Variants in PARD3B observed in about 807,000 individuals in gnomAD.
PARD3B encodes the protein partitioning defective 3 homolog B.
Under a neutral mutation model 130.2 loss-of-function variants are expected in PARD3B, and 103 were observed. The ratio of observed to expected loss-of-function variants is 0.79; its 90% CI spans 0.67 to 0.93. The LOEUF (loss-of-function observed/expected upper bound fraction) is 0.93. Among genes scored for constraint, PARD3B ranks in the 40% least tolerant of loss-of-function variants. PARD3B has a pLI of 0.00. For missense variants in PARD3B, 1,609 were observed against 1,499.2 expected (o/e 1.07, Z -1.21); for synonymous variants, 583 against 553.2 (o/e 1.05, Z -0.76).
intron 21 of PARD3B, among the ~76,000 whole-genome samples, chr2:205,509,235 A>G (rs778466309): frequency 2.0e-5 from 3 of 152,128 alleles, no homozygotes; most frequent in African/African-American, 4.8e-5. Context: ...GAAAAAATAT[A>G]TATATATTGT....
chr2:204,908,233 C>T (rs1351290932), intron 2 of PARD3B, among the ~76,000 whole-genome samples: 4 of 152,128 alleles, frequency 2.6e-5, no homozygotes, highest in South Asian at 4.1e-4. Context: ...TATGAACACA[C>T]GTTAATAATT....
At chr2:204,983,773 G>C (rs1385151114) in intron 3 of PARD3B, among the ~76,000 whole-genome samples, 1 of 152,118 alleles carries the variant, frequency 6.6e-6, no homozygotes, top group African/African-American at 2.4e-5. Flanking sequence ...ATTTAGTATA[G>C]ACATTGTAAA....
chr2:205,197,172 C>A (rs2036745357), intron 15 of PARD3B, among the ~76,000 whole-genome samples: 1 of 151,760 alleles, frequency 6.6e-6, no homozygotes, highest in African/African-American at 2.4e-5. Context: ...CTTTGCATTC[C>A]TAACTTCCTA....
chr2:205,269,060 G>C lies in PARD3B; in HGVS notation c.2185+23238G>C, dbSNP rs2040619184. Reference sequence around the variant, plus strand: ...TTGTAGATGAGAAAATTGAGGTTTTGAGGCAAATAGTAGGGAACAGAGTCT... The same window carrying C: ...TTGTAGATGAGAAAATTGAGGTTTTCAGGCAAATAGTAGGGAACAGAGTCT... On this transcript the variant is annotated intron_variant, in intron 16 of 22. Coordinates refer to ENST00000406610, the MANE Select transcript of PARD3B (RefSeq NM_001302769.2). This position sits in a 1 kb window ranked among gnomAD's most constrained non-coding sequence, Gnocchi z 4.7. 1.3e-5 allele frequency among the ~76,000 whole-genome samples: 2 copies of C among 152,228 alleles called. No individual in the cohort carries two copies. The highest frequency in any genetic ancestry group is 3.4e-3 in the Middle Eastern group (1 of 290).
chr2:205,550,780 ACATG>A lies in PARD3B; in HGVS notation c.3181-2541_3181-2538del. ...TATATATAAATACATATATGTATAT[ACATG>A]CAAATATACAAATATATGCATATTT... is the stretch of plus-strand genomic sequence containing the variant. On this transcript the variant is annotated intron_variant, in intron 21 of 22. Coordinates refer to ENST00000406610, the MANE Select transcript of PARD3B (RefSeq NM_001302769.2). This position sits in a 1 kb window ranked among gnomAD's most constrained non-coding sequence, Gnocchi z 4.5. 6.6e-6 allele frequency among the ~76,000 whole-genome samples: 1 copy of A among 150,704 alleles called. No individual in the cohort carries two copies. Among genetic ancestry groups the A allele is most frequent in the South Asian group, 2.1e-4 (1 of 4,792 alleles).
chr2:205,004,592 A>T (rs1695103409), intron 3 of PARD3B, among the ~76,000 whole-genome samples: 1 of 152,216 alleles, frequency 6.6e-6, no homozygotes, highest in Non-Finnish European at 1.5e-5. Context: ...GGCAGAGGAA[A>T]TGAAATGAAA....
At position 205,332,351 on chromosome 2, in the gene PARD3B, G is replaced by A. The variant is rs191471137; in HGVS notation, c.2630+30650G>A. Among the ~76,000 whole-genome samples the A allele has an allele frequency of 2.1e-3, 324 of 152,250 alleles. 1 individual carries two copies. The highest frequency in any genetic ancestry group is 3.7e-3 in the Non-Finnish European group (253 of 68,028). On this transcript the variant is annotated intron_variant, in intron 18 of 22. Coordinates refer to ENST00000406610, the MANE Select transcript of PARD3B (RefSeq NM_001302769.2). The stretch of plus-strand genomic sequence containing the variant: ...AAATGGACTTGAAGTTTAAGGAGAG[G>A]TGTTAGAGATGGACAGTTCCAACTA...
At position 205,125,747 on chromosome 2, in the gene PARD3B, A is replaced by G. The variant is rs2031313298; in HGVS notation, c.1434+10A>G. 6.2e-7 allele frequency: 1 copy of G among 1,613,772 alleles called. No individual in the cohort carries two copies. Among genetic ancestry groups the G allele is most frequent in the East Asian group, 2.2e-5 (1 of 44,854 alleles). ...TCTGCCCCGAGAGTTGGTAATGTTCAGATCTCAGTCTCACTGAATTTTTAA... is the reference window on the plus strand; with the variant it reads ...TCTGCCCCGAGAGTTGGTAATGTTCGGATCTCAGTCTCACTGAATTTTTAA... On this transcript the variant is annotated intron_variant, in intron 10 of 22. Transcript: ENST00000406610. This position sits in a 1 kb window ranked among gnomAD's most constrained non-coding sequence, Gnocchi z 4.0.
chr2:204,919,622 A>C (rs1248159446), intron 2 of PARD3B, among the ~76,000 whole-genome samples: 1 of 152,194 alleles, frequency 6.6e-6, no homozygotes, highest in Non-Finnish European at 1.5e-5. Context: ...GAATATTCCA[A>C]AAGTTATTTA....
chr2:204,960,857 A>T (rs1559301978), intron 2 of PARD3B, among the ~76,000 whole-genome samples: 1 of 152,200 alleles, frequency 6.6e-6, no homozygotes. Flanking sequence ...ACAAAGGCGG[A>T]GAATACAGAG....
chr2:204,836,559 AG>A lies in PARD3B; in HGVS notation c.223-128591del, dbSNP rs538429803. On this transcript the variant is annotated intron_variant, in intron 2 of 22. Coordinates refer to ENST00000406610, the MANE Select transcript of PARD3B (RefSeq NM_001302769.2). ...ATGCCTGTAATCCCAGCTATTCAGG[AG>A]GCTGAGGCAGCAGAATCGCTTGAAC... 2.1e-3 allele frequency among the ~76,000 whole-genome samples: 322 copies of A among 152,290 alleles called. 1 individual carries two copies. Among genetic ancestry groups the A allele is most frequent in the African/African-American group, 7.4e-3 (308 of 41,548 alleles).
At chr2:204,978,597 C>A (rs1480979437) in intron 3 of PARD3B, among the ~76,000 whole-genome samples, 1 of 152,166 alleles carries the variant, frequency 6.6e-6, no homozygotes, top group Non-Finnish European at 1.5e-5. Flanking sequence ...TAAAGCACAT[C>A]AGCTTTCAGC....
chr2:205,581,275 G>T (rs187373310), intron 22 of PARD3B, among the ~76,000 whole-genome samples: 127 of 56,790 alleles, frequency 2.2e-3, no homozygotes, highest in East Asian at 0.017. Context: ...TAGATAGATA[G>T]ATATAGATAT....
Position 205,590,133 on chromosome 2 carries a change from C to A in PARD3B, c.3261-25323C>A, listed in dbSNP as rs999778261. On this transcript the variant is annotated intron_variant, in intron 22 of 22. Coordinates refer to ENST00000406610, the MANE Select transcript of PARD3B (RefSeq NM_001302769.2). This position sits in a 1 kb window ranked among gnomAD's most constrained non-coding sequence, Gnocchi z 4.1. ...CAATAGGTAAACATTATTGTTCTCT[C>A]TACATATTATTCCGATGCTTTATTT... Among the ~76,000 whole-genome samples the A allele has an allele frequency of 2.6e-5, 4 of 152,160 alleles. No individual in the cohort carries two copies. The highest frequency in any genetic ancestry group is 9.7e-5 in the African/African-American group (4 of 41,424).
intron 4 of PARD3B, among the ~76,000 whole-genome samples, chr2:205,077,776 T>C (rs1323596380): frequency 6.6e-6 from 1 of 152,136 alleles, no homozygotes; most frequent in African/African-American, 2.4e-5. Context: ...CACATGAGCA[T>C]TAAGAAATAG....
chr2:204,661,690 A>G (rs999582606), intron 1 of PARD3B, among the ~76,000 whole-genome samples: 1 of 152,216 alleles, frequency 6.6e-6, no homozygotes, highest in African/African-American at 2.4e-5. Flanking sequence ...TTATTTAACA[A>G]ATTTATTTAA....
At chr2:205,200,787 ATGAC>A (rs1230839814) in intron 15 of PARD3B, among the ~76,000 whole-genome samples, 4 of 152,242 alleles carry the variant, frequency 2.6e-5, no homozygotes, top group African/African-American at 9.6e-5. Context: ...GGTAGAGAGA[ATGAC>A]TGAGGGGACG....
intron 2 of PARD3B, among the ~76,000 whole-genome samples, chr2:204,798,359 C>A (rs978582771): frequency 6.6e-6 from 1 of 152,156 alleles, no homozygotes; most frequent in African/African-American, 2.4e-5. Flanking sequence ...TTAGACCAGC[C>A]CTGGCTGGTG....
At chr2:204,883,239 C>A (rs1358264546) in intron 2 of PARD3B, among the ~76,000 whole-genome samples, 4 of 151,548 alleles carry the variant, frequency 2.6e-5, no homozygotes, top group Non-Finnish European at 5.9e-5. Context: ...CTCCTCATCA[C>A]TATCCTAACA....
Sources: gnomAD v4.1 joint callset for allele counts (sites outside exome capture counted in the v4.1 genomes callset) on GRCh38, gnomAD v4.1.1 for gene constraint, Gnocchi (gnomAD v3.1) non-coding constraint, MANE v1.5 for transcripts, NCBI Gene and HGNC (gene_info 2026-07-23, HGNC 2026-07-21) for gene names.